Variants in SESTD1 observed in about 807,000 individuals in gnomAD.
The protein encoded by SESTD1 is SEC14 domain and spectrin repeat-containing protein 1.
A neutral mutation model predicts 101.7 loss-of-function variants in SESTD1; 43 were observed. The observed-to-expected ratio is 0.42, with a 90% CI of 0.33 to 0.55. The LOEUF (loss-of-function observed/expected upper bound fraction) is 0.55, where lower values mean the gene tolerates loss of function less well. Ranked by LOEUF, SESTD1 falls within the 20% of genes least tolerant of loss-of-function variation. SESTD1 has a pLI of 0.07. For synonymous variants in SESTD1, 283 were observed against 286.8 expected, an observed-to-expected ratio of 0.99 and a Z score of 0.13; for missense variants, 647 against 815.1, an observed-to-expected ratio of 0.79 and a Z score of 2.51.
intron 5 of SESTD1, 54 bp from the exon 6 acceptor site, chr2:179,151,445 C>T (rs1055966004): frequency 1.6e-5 from 20 of 1,281,610 alleles, no homozygotes; most frequent in Admixed American, 1.4e-4. Flanking sequence ...TTAAAATCCA[C>T]GAAAGTAACC....
intron 9 of SESTD1, among the ~76,000 whole-genome samples, chr2:179,142,147 A>G (rs961956884): frequency 2.0e-5 from 3 of 152,188 alleles, no homozygotes; most frequent in African/African-American, 7.2e-5. Context: ...ATGGCCACAC[A>G]TATTGGTTTA....
intron 3 of SESTD1, among the ~76,000 whole-genome samples, chr2:179,180,704 G>T (rs2046093263): frequency 1.3e-5 from 2 of 152,168 alleles, no homozygotes; most frequent in South Asian, 4.1e-4. Flanking sequence ...TTAATAAAAT[G>T]TTGGGGGGTT....
chr2:179,236,291 C>A (rs1177718936), intron 1 of SESTD1, among the ~76,000 whole-genome samples: 1 of 142,964 alleles, frequency 7.0e-6, no homozygotes. Flanking sequence ...AGTTCAAGAC[C>A]AGCCTGGGCA....
chr2:179,199,723 G>C lies in SESTD1; in HGVS notation c.-25-7857C>G, dbSNP rs1204272143. On this transcript the variant is annotated intron_variant, in intron 1 of 17. Transcript: ENST00000428443. ...CAAAAACCACATGATTATTTCAATA[G>C]ATGCAGAAAAGGCCTTTGACAAAAT... Among the ~76,000 whole-genome samples, 11 of 152,264 alleles carry C rather than the reference G, an allele frequency of 7.2e-5. No homozygotes were observed. In the East Asian group the frequency reaches 2.1e-3, roughly 29 times the overall value.
intron 4 of SESTD1, 68 bp from the exon 5 acceptor site, chr2:179,172,301 T>A: frequency 9.4e-7 from 1 of 1,060,118 alleles, no homozygotes; most frequent in African/African-American, 1.6e-5. Flanking sequence ...ATTTATAAAT[T>A]ACCAGACAGT....
chr2:179,136,711 T>C (rs1324543578), intron 9 of SESTD1, among the ~76,000 whole-genome samples: 2 of 152,224 alleles, frequency 1.3e-5, no homozygotes, highest in East Asian at 3.8e-4. Context: ...ATTAAACATT[T>C]AGACTTTGAT....
chr2:179,256,312 A>G (rs1408834745), intron 1 of SESTD1, among the ~76,000 whole-genome samples: 6 of 152,242 alleles, frequency 3.9e-5, no homozygotes, highest in Non-Finnish European at 5.9e-5. Flanking sequence ...TCCATTAAGA[A>G]CATTTGTGAT....
chr2:179,163,399 G>A (rs975037871), intron 5 of SESTD1, among the ~76,000 whole-genome samples: 3 of 152,006 alleles, frequency 2.0e-5, no homozygotes, highest in African/African-American at 4.8e-5. Flanking sequence ...TAATATTTAT[G>A]CGTACCATTA....
chr2:179,158,565 A>G (rs2045673487), intron 5 of SESTD1, among the ~76,000 whole-genome samples: 1 of 152,210 alleles, frequency 6.6e-6, no homozygotes, highest in African/African-American at 2.4e-5. Context: ...CTTTTATGAC[A>G]TAACACATAT....
At chr2:179,120,184 A>G (rs1202029558) in intron 13 of SESTD1, among the ~76,000 whole-genome samples, 1 of 152,052 alleles carries the variant, frequency 6.6e-6, no homozygotes, top group East Asian at 1.9e-4. Context: ...AGCCTTGATC[A>G]TACCACTGCA....
intron 5 of SESTD1, among the ~76,000 whole-genome samples, chr2:179,165,338 A>G (rs1388754414): frequency 1.3e-5 from 2 of 152,318 alleles, no homozygotes; most frequent in Non-Finnish European, 2.9e-5. Context: ...ATCCTCCAAG[A>G]TGCAGGGTAT....
chr2:179,162,897 A>G (rs1400744580), intron 5 of SESTD1, among the ~76,000 whole-genome samples: 1 of 151,468 alleles, frequency 6.6e-6, no homozygotes, highest in Admixed American at 6.6e-5. Flanking sequence ...AGGCTGAGGC[A>G]GGAGAATCGC....
intron 5 of SESTD1, among the ~76,000 whole-genome samples, chr2:179,165,921 G>C (rs1286180807): frequency 6.6e-6 from 1 of 152,152 alleles, no homozygotes; most frequent in Non-Finnish European, 1.5e-5. Flanking sequence ...CAAAAAAAAT[G>C]CAAGTTAATC....
At chr2:179,189,436 A>T (rs894302891) in intron 2 of SESTD1, among the ~76,000 whole-genome samples, 5 of 152,208 alleles carry the variant, frequency 3.3e-5, no homozygotes, top group African/African-American at 1.2e-4. Flanking sequence ...AATAAAAGCT[A>T]TCTATAGACA....
chr2:179,217,427 GA>G (rs1424895329), intron 1 of SESTD1, among the ~76,000 whole-genome samples: 2 of 152,202 alleles, frequency 1.3e-5, no homozygotes, highest in East Asian at 3.8e-4. Context: ...AAACCACAGT[GA>G]GATACCATCT....
At chr2:179,121,647 CCTA>C (rs923283639) in intron 13 of SESTD1, 120 bp downstream of exon 13, 76 of 692,518 alleles carry the variant, frequency 1.1e-4, no homozygotes, top group African/African-American at 9.0e-4. Flanking sequence ...TCACCAAAAA[CCTA>C]CTACATGTCT....
chr2:179,140,498 AC>A (rs1194458258), intron 9 of SESTD1, among the ~76,000 whole-genome samples: 1 of 152,132 alleles, frequency 6.6e-6, no homozygotes, highest in African/African-American at 2.4e-5. Context: ...CCTCAAAGGA[AC>A]CAATCCTGCT....
At chr2:179,112,935 GAA>G (rs2044543794) in intron 16 of SESTD1, 90 bp from the exon 17 acceptor site, 5 of 1,445,486 alleles carry the variant, frequency 3.5e-6, no homozygotes, top group Non-Finnish European at 4.6e-6. Flanking sequence ...AAAAAAGAGA[GAA>G]AAGAAAGACA....
chr2:179,185,607 T>C (rs1337231509), intron 2 of SESTD1, among the ~76,000 whole-genome samples: 2 of 125,350 alleles, frequency 1.6e-5, no homozygotes, highest in African/African-American at 6.2e-5. Context: ...TATATACATA[T>C]ATAACACTAT....
Sources: gnomAD v4.1 joint callset for allele counts (sites outside exome capture counted in the v4.1 genomes callset) on GRCh38, gnomAD v4.1.1 for gene constraint, MANE v1.5 for transcripts, NCBI Gene and HGNC (gene_info 2026-07-23, HGNC 2026-07-21) for gene names.